The following HPSE2 variants were observed in gnomAD, a reference collection of about 807,000 sequenced individuals.
The protein encoded by HPSE2 is inactive heparanase-2.
In HPSE2, 38 loss-of-function variants were observed where a neutral mutation model predicts 60.5. The ratio of observed to expected loss-of-function variants is 0.63; its 90% CI spans 0.48 to 0.82. HPSE2 has a LOEUF of 0.82. Among genes scored for constraint, HPSE2 ranks in the 40% least tolerant of loss-of-function variants. The probability of loss-of-function intolerance (pLI) is 0.00; values close to 1 mark genes in which losing one functional copy is unlikely to be tolerated. For missense variants in HPSE2, 713 were observed against 740.4 expected (o/e 0.96, Z 0.43); for synonymous variants, 295 against 293.2 (o/e 1.01, Z -0.06).
chr10:99,139,579 A>G (rs1238656560), intron 3 of HPSE2, among the ~76,000 whole-genome samples: 4 of 152,190 alleles, frequency 2.6e-5, no homozygotes, highest in Non-Finnish European at 5.9e-5. Context: ...GATGTTTACT[A>G]TATTTATTAC....
intron 3 of HPSE2, among the ~76,000 whole-genome samples, chr10:98,998,266 C>T (rs1250079004): frequency 6.6e-6 from 1 of 152,146 alleles, no homozygotes; most frequent in Non-Finnish European, 1.5e-5. Flanking sequence ...AAAATATTCT[C>T]CTTTTCATTT....
intron 3 of HPSE2, among the ~76,000 whole-genome samples, chr10:99,114,483 G>C (rs533029013): frequency 3.3e-5 from 5 of 152,130 alleles, no homozygotes; most frequent in Non-Finnish European, 7.4e-5. Context: ...TGAAAAACAA[G>C]AAGTAATCAT....
intron 3 of HPSE2, among the ~76,000 whole-genome samples, chr10:99,125,136 C>T (rs949447887): frequency 6.6e-6 from 1 of 152,170 alleles, no homozygotes; most frequent in Non-Finnish European, 1.5e-5. Flanking sequence ...TATAAAACCT[C>T]TTCATTACAC....
intron 3 of HPSE2, among the ~76,000 whole-genome samples, chr10:99,055,430 G>A (rs185145342): frequency 7.9e-5 from 12 of 152,238 alleles, no homozygotes; most frequent in Admixed American, 7.8e-4. Context: ...CTTTGAAGAA[G>A]AGAGGGAAGA....
At chr10:98,992,887 C>G (rs1956558158) in intron 3 of HPSE2, among the ~76,000 whole-genome samples, 1 of 152,118 alleles carries the variant, frequency 6.6e-6, no homozygotes, top group Non-Finnish European at 1.5e-5. Context: ...GCTGTTTGAC[C>G]TTGGACAAAT....
intron 9 of HPSE2, among the ~76,000 whole-genome samples, chr10:98,505,432 G>T (rs1047650002): frequency 1.3e-5 from 2 of 152,150 alleles, no homozygotes; most frequent in African/African-American, 4.8e-5. Context: ...GTATATGTAT[G>T]ACACTTTACA....
chr10:99,087,942 A>G (rs1354848023), intron 3 of HPSE2, among the ~76,000 whole-genome samples: 1 of 151,546 alleles, frequency 6.6e-6, no homozygotes, highest in African/African-American at 2.4e-5. Flanking sequence ...ATTCCCTTCC[A>G]TCCCTTAATT....
intron 9 of HPSE2, among the ~76,000 whole-genome samples, chr10:98,508,494 T>C (rs1202952318): frequency 6.6e-6 from 1 of 152,204 alleles, no homozygotes; most frequent in African/African-American, 2.4e-5. Flanking sequence ...AATTATGGAA[T>C]GCCTACTATG....
At chr10:99,165,722 T>C (rs554716681) in intron 2 of HPSE2, among the ~76,000 whole-genome samples, 21 of 152,086 alleles carry the variant, frequency 1.4e-4, no homozygotes, top group African/African-American at 4.3e-4. Context: ...AATTTTTGTA[T>C]TTTTAGTAGA....
chr10:99,290,808 G>A, the HPSE2 span, among the ~76,000 whole-genome samples: 88 of 152,234 alleles, frequency 5.8e-4, no homozygotes, highest in Non-Finnish European at 9.6e-4. Context: ...AACATTCTAT[G>A]ACCTTAGGTG....
chr10:98,916,911 T>C (rs965906148), intron 3 of HPSE2, among the ~76,000 whole-genome samples: 3 of 152,198 alleles, frequency 2.0e-5, no homozygotes, highest in Admixed American at 6.5e-5. Flanking sequence ...AGAGCATCTA[T>C]CTTCAGAACC....
intron 3 of HPSE2, among the ~76,000 whole-genome samples, chr10:98,965,545 A>T (rs925043024): frequency 6.6e-6 from 1 of 152,084 alleles, no homozygotes; most frequent in Non-Finnish European, 1.5e-5. Flanking sequence ...CTCTTCTCTA[A>T]TCAGTCTTTC....
At position 98,741,898 on chromosome 10, in the gene HPSE2, T is replaced by C. The variant is rs771190227; in HGVS notation, c.784+1985A>G. On this transcript the variant is annotated intron_variant, in intron 4 of 11. Coordinates refer to ENST00000370552, the MANE Select transcript of HPSE2 (RefSeq NM_021828.5). ...AGAATATTTTGCCCTGTTTGGAGAA[T>C]AAAGCTAAGTTGGGCAGAGCCTGAT... 7.6e-4 allele frequency among the ~76,000 whole-genome samples: 115 copies of C among 152,220 alleles called. 2 individuals are homozygous for C. The highest frequency in any genetic ancestry group is 1.4e-3 in the Non-Finnish European group (93 of 68,012).
chr10:98,814,315 G>C (rs1231586828), intron 3 of HPSE2, among the ~76,000 whole-genome samples: 1 of 151,964 alleles, frequency 6.6e-6, no homozygotes, highest in African/African-American at 2.4e-5. Flanking sequence ...CTATAATTTA[G>C]CTAAACTCAC....
chr10:99,145,814 G>A (rs1846033401), intron 2 of HPSE2, among the ~76,000 whole-genome samples: 1 of 152,160 alleles, frequency 6.6e-6, no homozygotes, highest in Non-Finnish European at 1.5e-5. Context: ...CACTGTTCTG[G>A]AGAAGTAGTC....
intron 6 of HPSE2, among the ~76,000 whole-genome samples, chr10:98,648,610 G>A (rs966688634): frequency 6.6e-6 from 1 of 151,788 alleles, no homozygotes; most frequent in Non-Finnish European, 1.5e-5. Context: ...CGAGACCCTC[G>A]TCTCTACAAA....
intron 9 of HPSE2, among the ~76,000 whole-genome samples, chr10:98,573,626 G>A (rs1016557952): frequency 2.6e-5 from 4 of 152,188 alleles, no homozygotes; most frequent in African/African-American, 9.7e-5. Flanking sequence ...ACTCAGCACT[G>A]CTCAGCTCCT....
At chr10:99,271,211 T>C in the HPSE2 span, among the ~76,000 whole-genome samples, 2 of 152,140 alleles carry the variant, frequency 1.3e-5, no homozygotes, top group African/African-American at 2.4e-5. Flanking sequence ...TGTTTGCTGA[T>C]GACATGACTG....
At chr10:99,169,726 C>CA (rs1393530065) in intron 2 of HPSE2, among the ~76,000 whole-genome samples, 3 of 151,958 alleles carry the variant, frequency 2.0e-5, no homozygotes, top group African/African-American at 4.8e-5. Context: ...TTGGCCTTAC[C>CA]AACCAGATAC....
Sources: allele counts gnomAD v4.1 joint callset (sites outside exome capture counted in the v4.1 genomes callset), GRCh38; gene constraint gnomAD v4.1.1; transcripts MANE v1.5; gene names NCBI Gene and HGNC (gene_info 2026-07-23, HGNC 2026-07-21).